WFS1: variants seen among roughly 807,000 people sequenced by gnomAD.
The protein encoded by WFS1 is wolframin.
A neutral mutation model predicts 68.5 loss-of-function variants in WFS1; 90 were observed. The ratio of observed to expected loss-of-function variants is 1.31; its 90% confidence interval spans 1.11 to 1.56. The LOEUF (loss-of-function observed/expected upper bound fraction) is 1.56, where lower values mean the gene tolerates loss of function less well. Ranked by LOEUF, WFS1 falls within the 40% of genes most tolerant of loss-of-function variation. WFS1 has a pLI of 0.00. For synonymous variants in WFS1, 860 were observed against 540.7 expected (o/e 1.59, Z -8.19); for missense variants, 1,767 against 1,232.6 (o/e 1.43, Z -6.49).
rs763107032 is a variant in WFS1 at position 6,302,208 on chromosome 4, C to T, written c.2413C>T (p.Arg805Trp). The T allele has an allele frequency of 2.2e-5, 35 of 1,610,984 alleles. 1 individual carries two copies. Among genetic ancestry groups the T allele is most frequent in the Middle Eastern group, 1.6e-4 (1 of 6,078 alleles). ...EDDVTKDIVL[R>W]ASSEFKSVLL... ...CGACGTCACCAAGGACATCGTGCTG[C>T]GGGCCAGCAGCGAGTTCAAGAGCGT... The change falls in exon 8 of 8, where the codon CGG becomes TGG. Residue 805 changes from arginine (R) to tryptophan (W), a missense_variant. Physicochemically the swap from Arg to Trp is moderately radical, Grantham distance 101. Transcript: ENST00000226760.
Position 6,302,714 on chromosome 4 carries a change from T to G in WFS1, c.*246T>G. ...TGCCATCTCCACCCTGAGCCTGACC[T>G]TTCTGAGTGACATGGGTGTGCCAGG... On this transcript the variant is annotated 3_prime_UTR_variant, in exon 8 of 8. Transcript: ENST00000226760. The G allele has an allele frequency of 1.6e-6, 1 of 612,658 alleles. No individual in the cohort carries two copies. The highest frequency in any genetic ancestry group is 2.8e-6 in the Non-Finnish European group (1 of 355,140). 38.0% of individuals were successfully genotyped at this position (612,658 alleles called of 1,614,324 possible). A position where few individuals can be genotyped will look rare whatever the true frequency, so the allele number is the denominator to read the frequency against.
At chr4:6,296,031 C>G (rs1015445870) in intron 7 of WFS1, among the ~76,000 whole-genome samples, 2 of 152,236 alleles carry the variant, frequency 1.3e-5, no homozygotes, top group Non-Finnish European at 2.9e-5. Flanking sequence ...ATCATGCAGG[C>G]ACCCTGGGGT....
chr4:6,286,036 C>T (rs1043987354), intron 2 of WFS1, among the ~76,000 whole-genome samples: 5 of 152,078 alleles, frequency 3.3e-5, no homozygotes, highest in Admixed American at 6.6e-5. Flanking sequence ...TTCATGGCAC[C>T]ACCGTAGAAA....
rs1190875558 is a variant in WFS1 at position 6,287,214 on chromosome 4, C to T, written c.315+39C>T. The T allele has an allele frequency of 2.6e-6, 4 of 1,516,192 alleles. No homozygotes were observed. Among genetic ancestry groups the T allele is most frequent in the Non-Finnish European group, 3.6e-6 (4 of 1,117,066 alleles). 93.9% of individuals were successfully genotyped at this position (1,516,192 alleles called of 1,614,324 possible). On this transcript the variant is annotated intron_variant, in intron 3 of 7. Coordinates refer to ENST00000226760, the MANE Select transcript of WFS1 (RefSeq NM_006005.3). The surrounding 1 kb of genome is among the most constrained non-coding windows in gnomAD (Gnocchi z 6.4). ...TGCCGGCAGGGACTTCGGGACGCGG[C>T]CCCCGGCACAACAGGCCTGGCCACG...
chr4:6,301,376 C>T lies in WFS1; in HGVS notation c.1581C>T (p.Thr527=), dbSNP rs764128887. 6.2e-6 allele frequency: 10 copies of T among 1,612,574 alleles called. No homozygotes were observed. The highest frequency in any genetic ancestry group is 8.5e-6 in the Non-Finnish European group (10 of 1,180,034). The stretch of plus-strand genomic sequence containing the variant: ...CACAGCTGAGGAATTTCAAGGGCAC[C>T]TACTGCTACCTTGTGCCCTACCTGG... ...RMAQLRNFKG[T]YCYLVPYLVC... is the part of the protein sequence containing the mutation. Residue 527 remains threonine (T), a synonymous_variant, in exon 8 of 8, where the codon ACC becomes ACT. Coordinates refer to ENST00000226760, the MANE Select transcript of WFS1 (RefSeq NM_006005.3).
At chr4:6,281,280 C>T (rs1185397082) in intron 2 of WFS1, among the ~76,000 whole-genome samples, 10 of 152,074 alleles carry the variant, frequency 6.6e-5, no homozygotes, top group Non-Finnish European at 2.9e-5. Context: ...CACCCCAGCT[C>T]CTACACTAAG....
Position 6,302,938 on chromosome 4 carries a change from T to G in WFS1, c.*470T>G. 5.5e-6 allele frequency: 1 copy of G among 181,516 alleles called. No homozygotes were observed. The highest frequency in any genetic ancestry group is 1.2e-5 in the Non-Finnish European group (1 of 85,080). 11.2% of individuals were successfully genotyped at this position (181,516 alleles called of 1,614,324 possible). A position where few individuals can be genotyped will look rare whatever the true frequency, so the allele number is the denominator to read the frequency against. On this transcript the variant is annotated 3_prime_UTR_variant, in exon 8 of 8. Coordinates refer to ENST00000226760, the MANE Select transcript of WFS1 (RefSeq NM_006005.3). ...GCTACACCTTAGCAGCTCTTCCCCT[T>G]TCCTGGGGGATGTGCACGGCAGCTT...
At chr4:6,288,239 C>A (rs964450074) in intron 3 of WFS1, among the ~76,000 whole-genome samples, 3 of 143,250 alleles carry the variant, frequency 2.1e-5, no homozygotes, top group Non-Finnish European at 4.6e-5. Flanking sequence ...AAAAAAATTT[C>A]TTTCCTGACC....
chr4:6,291,327 G>A lies in WFS1; in HGVS notation c.591G>A (p.Val197=), dbSNP rs964083110. The change falls in exon 5 of 8, where the codon GTG becomes GTA. Residue 197 remains valine, a synonymous_variant. Transcript: ENST00000226760. ...CCAAGAAGAAGAAGCAGGTGGCCGT[G>A]GCGGAGCTGCTGGAGAATGTCGGCC... ...LNPKKKKQVA[V]AELLENVGQV... 9.9e-6 allele frequency: 16 copies of A among 1,613,308 alleles called. No homozygotes were observed. The highest frequency in any genetic ancestry group is 1.6e-4 in the Middle Eastern group (1 of 6,084).
At chr4:6,299,984 C>T (rs936138034) in intron 7 of WFS1, among the ~76,000 whole-genome samples, 1 of 151,572 alleles carries the variant, frequency 6.6e-6, no homozygotes, top group Admixed American at 6.6e-5. Context: ...CGTGTGTGTA[C>T]GGGCAGAAGG....
chr4:6,274,213 A>T (rs1729921304), intron 1 of WFS1, among the ~76,000 whole-genome samples: 1 of 151,598 alleles, frequency 6.6e-6, no homozygotes. Context: ...CGCCTGGCTA[A>T]TTTTTTTGTA....
intron 2 of WFS1, among the ~76,000 whole-genome samples, chr4:6,285,175 A>AGGGAGAGTTACG (rs1730277689): frequency 8.4e-5 from 12 of 142,340 alleles, no homozygotes; most frequent in African/African-American, 1.8e-4. Context: ...GGAGAGTTAC[A>AGGGAGAGTTACG]TCCAGGGAGA....
intron 1 of WFS1, among the ~76,000 whole-genome samples, chr4:6,276,566 T>G (rs114778670): frequency 1.6e-3 from 249 of 152,304 alleles, no homozygotes; most frequent in African/African-American, 5.7e-3. Flanking sequence ...GCGGCAGATC[T>G]GGGTATGAAT....
At chr4:6,277,416 G>A in intron 1 of WFS1, 35 bp from the exon 2 acceptor site, 6 of 1,543,342 alleles carry the variant, frequency 3.9e-6, no homozygotes, top group South Asian at 1.2e-5. Context: ...GGCTCTGCCG[G>A]TGCTGGATGT....
chr4:6,280,610 G>A (rs570284476), intron 2 of WFS1, among the ~76,000 whole-genome samples: 2 of 152,302 alleles, frequency 1.3e-5, no homozygotes, highest in South Asian at 4.1e-4. Context: ...GACAGGCCTG[G>A]TGCAGGTGGG....
rs1417772803 is a variant in WFS1, at chr4:6,300,829, T to G, written c.1034T>G (p.Ile345Ser). The G allele has an allele frequency of 6.2e-7, 1 of 1,614,022 alleles. No homozygotes were observed. Among genetic ancestry groups the G allele is most frequent in the Non-Finnish European group, 8.5e-7 (1 of 1,179,946 alleles). The part of the protein sequence containing the change: ...NLTIDFFAFF[I>S]PLVIFYLSFI... ...ACCATCGACTTCTTCGCCTTCTTCA[T>G]CCCGCTGGTCATCTTCTACCTGTCC... The change falls in exon 8 of 8, where the codon ATC (isoleucine) becomes AGC (serine). Residue 345 changes from isoleucine to serine, a missense_variant. Transcript: ENST00000226760.
At chr4:6,294,309 C>T (rs1426622278) in intron 6 of WFS1, among the ~76,000 whole-genome samples, 2 of 151,988 alleles carry the variant, frequency 1.3e-5, no homozygotes, top group African/African-American at 4.8e-5. Context: ...TCAGTGGGCA[C>T]GTAGCTCTCG....
intron 1 of WFS1, 133 bp from the exon 2 acceptor site, chr4:6,277,318 G>A (rs1730022946): frequency 1.4e-5 from 12 of 859,354 alleles, no homozygotes; most frequent in African/African-American, 3.3e-5. Context: ...TGTACTGAGT[G>A]TCAGCGAGAT....
At chr4:6,289,518 G>A (rs762957220) in intron 4 of WFS1, among the ~76,000 whole-genome samples, 3 of 152,238 alleles carry the variant, frequency 2.0e-5, no homozygotes, top group Non-Finnish European at 4.4e-5. Flanking sequence ...GCTGATGTCC[G>A]TCGAGTCTGG....
Sources: gnomAD v4.1 joint callset for allele counts (sites outside exome capture counted in the v4.1 genomes callset) on GRCh38, gnomAD v4.1.1 for gene constraint, Gnocchi (gnomAD v3.1) non-coding constraint, MANE v1.5 for transcripts, NCBI Gene and HGNC (gene_info 2026-07-23, HGNC 2026-07-21) for gene names.